Variants in ARHGAP6 observed in about 807,000 individuals in gnomAD.
ARHGAP6 encodes rho GTPase-activating protein 6.
Under a neutral mutation model 55.7 loss-of-function variants are expected in ARHGAP6, and 16 were observed. The ratio of observed to expected loss-of-function variants is 0.29; its 90% CI spans 0.19 to 0.44. ARHGAP6 has a LOEUF of 0.44. Among genes scored for constraint, ARHGAP6 ranks in the 20% least tolerant of loss-of-function variants. The pLI is 1.00. For synonymous variants in ARHGAP6, 382 were observed against 360.9 expected, an observed-to-expected ratio of 1.06 and a Z score of -0.66; for missense variants, 698 against 808.9, an observed-to-expected ratio of 0.86 and a Z score of 1.66.
In ARHGAP6 at chrX:11,424,186, G is replaced by A. The variant is rs777754134; in HGVS notation, c.589-169479C>T. ...TGTCTAAATGACTCAGAAGAGCACT[G>A]CAGGATCAGGGCACCTGGATAAAGC... On this transcript the variant is annotated intron_variant, in intron 1 of 12. Transcript: ENST00000337414. Among the ~76,000 whole-genome samples the A allele has an allele frequency of 9.4e-4, 105 of 112,112 alleles. 1 individual carries two copies. Among genetic ancestry groups the A allele is most frequent in the Non-Finnish European group, 1.6e-3 (84 of 53,217 alleles).
chrX:11,332,287 TG>T (rs758607063), intron 1 of ARHGAP6, among the ~76,000 whole-genome samples: 5 of 112,310 alleles, frequency 4.5e-5, no homozygotes, highest in African/African-American at 1.6e-4. Flanking sequence ...CTATGACGTC[TG>T]GCTTGCTCTG....
intron 8 of ARHGAP6, among the ~76,000 whole-genome samples, chrX:11,171,582 C>CT (rs2046092456): frequency 8.9e-6 from 1 of 112,070 alleles, no homozygotes; most frequent in Admixed American, 9.4e-5. Flanking sequence ...CGGGTGAGCA[C>CT]TTTTTAGGAG....
intron 1 of ARHGAP6, among the ~76,000 whole-genome samples, chrX:11,311,685 C>G (rs1168115572): frequency 9.1e-6 from 1 of 110,214 alleles, no homozygotes; most frequent in Admixed American, 9.7e-5. Flanking sequence ...GGCTTCCTGT[C>G]TAAGGATAAC....
chrX:11,404,643 A>G (rs1322022842), intron 1 of ARHGAP6, among the ~76,000 whole-genome samples: 2 of 111,663 alleles, frequency 1.8e-5, no homozygotes, highest in Non-Finnish European at 3.8e-5. Context: ...TCTAATCTAG[A>G]GCTCAAAGAA....
chrX:11,244,332 A>G (rs1258350873), intron 2 of ARHGAP6, among the ~76,000 whole-genome samples: 1 of 112,018 alleles, frequency 8.9e-6, no homozygotes, highest in African/African-American at 3.2e-5. Flanking sequence ...GCAATACAGA[A>G]AGAAATGGAC....
chrX:11,222,661 T>C (rs2046988811), intron 2 of ARHGAP6, among the ~76,000 whole-genome samples: 1 of 112,109 alleles, frequency 8.9e-6, no homozygotes. Flanking sequence ...CCCATGGACA[T>C]TGCTTCTTTT....
At chrX:11,408,523 C>T (rs185164316) in intron 1 of ARHGAP6, among the ~76,000 whole-genome samples, 128 of 111,094 alleles carry the variant, frequency 1.2e-3, no homozygotes, top group Middle Eastern at 4.6e-3. Flanking sequence ...CCAGGTACAA[C>T]GGAAGCACCC....
At chrX:11,243,437 C>T (rs1479202051) in intron 2 of ARHGAP6, among the ~76,000 whole-genome samples, 3 of 112,040 alleles carry the variant, frequency 2.7e-5, no homozygotes, top group Non-Finnish European at 5.6e-5. Flanking sequence ...GGGAATATTG[C>T]TAACTTCTCA....
At chrX:11,301,781 G>T (rs568957581) in intron 1 of ARHGAP6, among the ~76,000 whole-genome samples, 1 of 111,857 alleles carries the variant, frequency 8.9e-6, no homozygotes, top group South Asian at 3.7e-4. Flanking sequence ...AAGGAATCTA[G>T]AATCTACCAA....
intron 1 of ARHGAP6, among the ~76,000 whole-genome samples, chrX:11,448,811 C>T (rs2050118229): frequency 9.0e-6 from 1 of 111,249 alleles, no homozygotes; most frequent in African/African-American, 3.3e-5. Context: ...TCCCTGGACA[C>T]CCCTGCATGT....
chrX:11,296,198 T>G (rs2048080944), intron 1 of ARHGAP6, among the ~76,000 whole-genome samples: 1 of 112,617 alleles, frequency 8.9e-6, no homozygotes, highest in Non-Finnish European at 1.9e-5. Context: ...TGGTTTCTTT[T>G]GTGGCTTCTT....
chrX:11,165,051 G>C (rs762895544), intron 9 of ARHGAP6, among the ~76,000 whole-genome samples: 21 of 112,082 alleles, frequency 1.9e-4, no homozygotes, highest in Non-Finnish European at 3.6e-4. Flanking sequence ...ATGTTAGCCA[G>C]TTTTTCAACA....
chrX:11,408,951 A>G (rs1399415778), intron 1 of ARHGAP6, among the ~76,000 whole-genome samples: 1 of 109,275 alleles, frequency 9.2e-6, no homozygotes, highest in Non-Finnish European at 1.9e-5. Flanking sequence ...GCATCCTCCA[A>G]CCCTCACACT....
At chrX:11,599,783 C>T (rs1366238493) in intron 1 of ARHGAP6, among the ~76,000 whole-genome samples, 1 of 111,743 alleles carries the variant, frequency 8.9e-6, no homozygotes, top group Non-Finnish European at 1.9e-5. Flanking sequence ...TCTTACCATA[C>T]ACACACAAAC....
chrX:11,415,177 C>A (rs1161581493), intron 1 of ARHGAP6, among the ~76,000 whole-genome samples: 1 of 111,297 alleles, frequency 9.0e-6, no homozygotes, highest in Non-Finnish European at 1.9e-5. Context: ...TAAAAAGTAT[C>A]CAGGGAGGTG....
chrX:11,650,795 T>G (rs2052576150), intron 1 of ARHGAP6, among the ~76,000 whole-genome samples: 1 of 112,329 alleles, frequency 8.9e-6, no homozygotes, highest in Non-Finnish European at 1.9e-5. Flanking sequence ...AACAACAATA[T>G]ATTTGCTGAG....
chrX:11,163,214 G>A (rs2045974088), intron 9 of ARHGAP6, among the ~76,000 whole-genome samples: 1 of 111,717 alleles, frequency 9.0e-6, no homozygotes, highest in African/African-American at 3.3e-5. Flanking sequence ...AAGAACTTTG[G>A]CCCCTCCTGC....
At chrX:11,427,916 G>A (rs1231611369) in intron 1 of ARHGAP6, 2 of 496,838 alleles carry the variant, frequency 4.0e-6, no homozygotes, top group African/African-American at 5.2e-5. Flanking sequence ...TCCGCTCCTG[G>A]CGGGTCCCTC....
intron 1 of ARHGAP6, among the ~76,000 whole-genome samples, chrX:11,535,583 A>T (rs2051095644): frequency 9.0e-6 from 1 of 111,677 alleles, no homozygotes; most frequent in African/African-American, 3.3e-5. Flanking sequence ...TATAAAAGGA[A>T]GTTTTAAGGG....
Sources: allele counts gnomAD v4.1 joint callset (sites outside exome capture counted in the v4.1 genomes callset), GRCh38; gene constraint gnomAD v4.1.1; transcripts MANE v1.5; gene names NCBI Gene and HGNC (gene_info 2026-07-23, HGNC 2026-07-21).